Variants in ENTHD1 observed in about 807,000 individuals in gnomAD.
ENTHD1 encodes ENTH domain-containing protein 1.
A neutral mutation model predicts 39.1 loss-of-function variants in ENTHD1; 23 were observed. The ratio of observed to expected loss-of-function variants is 0.59; its 90% CI spans 0.42 to 0.83. The LOEUF is 0.83. Among genes scored for constraint, ENTHD1 ranks in the 40% least tolerant of loss-of-function variants. The pLI is 0.00. For synonymous variants in ENTHD1, 230 were observed against 258.2 expected (o/e 0.89, Z 1.05); for missense variants, 624 against 705.4 (o/e 0.88, Z 1.31).
At chr22:39,762,314 G>C (rs1297202967) in intron 6 of ENTHD1, among the ~76,000 whole-genome samples, 1 of 152,112 alleles carries the variant, frequency 6.6e-6, no homozygotes, top group Non-Finnish European at 1.5e-5. Flanking sequence ...TTCCCTGCCA[G>C]AACTGAACTC....
At chr22:39,844,280 G>C (rs1017805136) in intron 3 of ENTHD1, among the ~76,000 whole-genome samples, 1 of 152,096 alleles carries the variant, frequency 6.6e-6, no homozygotes, top group Non-Finnish European at 1.5e-5. Context: ...AAGTGAAAAA[G>C]AACCAACTTT....
At chr22:39,814,480 A>G (rs888345152) in intron 5 of ENTHD1, among the ~76,000 whole-genome samples, 3 of 152,132 alleles carry the variant, frequency 2.0e-5, no homozygotes, top group Admixed American at 6.6e-5. Flanking sequence ...AAAGAAAGCC[A>G]AAACATTCCT....
chr22:39,846,849 A>G (rs2065992977), intron 3 of ENTHD1, among the ~76,000 whole-genome samples: 2 of 152,120 alleles, frequency 1.3e-5, no homozygotes, highest in South Asian at 4.1e-4. Context: ...ATGAGATACC[A>G]TCTCACACCA....
intron 2 of ENTHD1, 107 bp from the exon 3 acceptor site, chr22:39,862,114 A>G: frequency 2.4e-6 from 2 of 828,476 alleles, no homozygotes; most frequent in Admixed American, 7.3e-5. Context: ...AGCAGTGAAA[A>G]AACCTGCAGC....
At chr22:39,814,719 A>G (rs1333298649) in intron 5 of ENTHD1, among the ~76,000 whole-genome samples, 1 of 152,198 alleles carries the variant, frequency 6.6e-6, no homozygotes, top group Non-Finnish European at 1.5e-5. Flanking sequence ...TAGAAGTAAA[A>G]TTGGACTTCT....
chr22:39,807,423 C>G (rs2065651520), intron 5 of ENTHD1, among the ~76,000 whole-genome samples: 1 of 152,112 alleles, frequency 6.6e-6, no homozygotes, highest in African/African-American at 2.4e-5. Context: ...AAACATATGG[C>G]CACCTCTTCT....
intron 5 of ENTHD1, among the ~76,000 whole-genome samples, chr22:39,791,444 G>A (rs2065503522): frequency 6.6e-6 from 1 of 151,734 alleles, no homozygotes; most frequent in Admixed American, 6.6e-5. Flanking sequence ...ACCTAGACTG[G>A]AGTGCAGTGG....
At chr22:39,822,309 T>C (rs945676779) in intron 4 of ENTHD1, among the ~76,000 whole-genome samples, 1 of 152,136 alleles carries the variant, frequency 6.6e-6, no homozygotes, top group African/African-American at 2.4e-5. Context: ...TATTCAATTA[T>C]ATAGTAACCA....
Position 39,892,623 on chromosome 22 carries a change from G to A in ENTHD1, c.-156+1072C>T, listed in dbSNP as rs958259756. Among the ~76,000 whole-genome samples, 88 of 152,348 alleles carry A rather than the reference G, an allele frequency of 5.8e-4. 1 individual carries two copies. The highest frequency in any genetic ancestry group is 2.0e-3 in the African/African-American group (84 of 41,578). On this transcript the variant is annotated intron_variant, in intron 1 of 6. Transcript: ENST00000325157. The stretch of plus-strand genomic sequence containing the variant: ...CCAAAAGTTTTTGGATTTCAGGATT[G>A]AGAATAAGGAACAGAGGAGCTGAAC...
chr22:39,779,784 G>A (rs2065393926), intron 5 of ENTHD1, among the ~76,000 whole-genome samples: 1 of 152,098 alleles, frequency 6.6e-6, no homozygotes, highest in Non-Finnish European at 1.5e-5. Flanking sequence ...ATGTGGAGGG[G>A]ATAAAGTGTA....
intron 6 of ENTHD1, among the ~76,000 whole-genome samples, chr22:39,762,856 A>G (rs1056240539): frequency 6.6e-6 from 1 of 152,088 alleles, no homozygotes; most frequent in African/African-American, 2.4e-5. Context: ...TACCTATCTT[A>G]TACATTCAGA....
At chr22:39,786,035 C>T (rs2065454559) in intron 5 of ENTHD1, among the ~76,000 whole-genome samples, 1 of 152,174 alleles carries the variant, frequency 6.6e-6, no homozygotes, top group South Asian at 2.1e-4. Flanking sequence ...AGCTTCTCAT[C>T]CTACTGCTTA....
Position 39,744,049 on chromosome 22 carries a change from T to C in ENTHD1, c.1454A>G (p.Asn485Ser), listed in dbSNP as rs1352556932. ...RGPVSSDVEE[N>S]DSLNLLGILP... ...AATTCCCAGTAGATTGAGGCTATCA[T>C]TTTCCTCTACATCAGAAGACACTGG... is the stretch of plus-strand genomic sequence containing the variant. The change falls in exon 7 of 7, where the codon AAT (asparagine) becomes AGT (serine). Residue 485 changes from asparagine (N) to serine (S), a missense_variant. Physicochemically the swap from Asn to Ser is conservative, Grantham distance 46 (BLOSUM62 1). Coordinates refer to ENST00000325157, the MANE Select transcript of ENTHD1 (RefSeq NM_152512.4). 1 of 1,614,044 alleles carries C rather than the reference T, an allele frequency of 6.2e-7. No individual in the cohort carries two copies. Among genetic ancestry groups the C allele is most frequent in the Non-Finnish European group, 8.5e-7 (1 of 1,180,010 alleles).
At chr22:39,747,052 C>T (rs1433411724) in intron 6 of ENTHD1, among the ~76,000 whole-genome samples, 1 of 152,106 alleles carries the variant, frequency 6.6e-6, no homozygotes, top group Admixed American at 6.5e-5. Flanking sequence ...TGCAGTGGTG[C>T]AGTCATGACT....
chr22:39,857,593 T>G (rs2066104722), intron 3 of ENTHD1, among the ~76,000 whole-genome samples: 1 of 152,138 alleles, frequency 6.6e-6, no homozygotes, highest in Non-Finnish European at 1.5e-5. Flanking sequence ...CCAGGCCAAG[T>G]TTGCTCCAGT....
chr22:39,843,864 G>A (rs1169171581), intron 3 of ENTHD1, among the ~76,000 whole-genome samples: 1 of 152,116 alleles, frequency 6.6e-6, no homozygotes, highest in Non-Finnish European at 1.5e-5. Context: ...TCAGTTGAGA[G>A]CCCACAGCCA....
chr22:39,835,167 T>C (rs1474975654), intron 4 of ENTHD1, among the ~76,000 whole-genome samples: 5 of 152,068 alleles, frequency 3.3e-5, no homozygotes, highest in South Asian at 4.1e-4. Flanking sequence ...ATCCAGTTGG[T>C]ACTAATTAAT....
intron 3 of ENTHD1, 121 bp from the exon 4 acceptor site, chr22:39,836,079 C>T (rs1412600260): frequency 8.1e-6 from 5 of 616,326 alleles, no homozygotes; most frequent in Non-Finnish European, 1.4e-5. Flanking sequence ...TAAATATAAA[C>T]CATCTGCCAG....
chr22:39,857,144 A>C lies in ENTHD1; in HGVS notation c.592+4621T>G, dbSNP rs985680394. On this transcript the variant is annotated intron_variant, in intron 3 of 6. Transcript: ENST00000325157. ...AGATGGAGAATATCATTTTAGGTTT[A>C]AAAACGCAATCTGTGGGGCTGGGCG... Among the ~76,000 whole-genome samples the C allele has an allele frequency of 1.6e-4, 25 of 152,270 alleles. No homozygotes were observed. The South Asian group carries it at 5.0e-3, about 30-fold the overall frequency.
Sources: allele counts gnomAD v4.1 joint callset (sites outside exome capture counted in the v4.1 genomes callset), GRCh38; gene constraint gnomAD v4.1.1; transcripts MANE v1.5; gene names NCBI Gene and HGNC (gene_info 2026-07-23, HGNC 2026-07-21).